PLIN4: variants seen among roughly 807,000 people sequenced by gnomAD.
PLIN4 encodes perilipin 4.
PLIN4 carries 57 observed loss-of-function variants against 52.4 expected under a neutral mutation model. The observed-to-expected ratio is 1.09, with a 90% CI of 0.88 to 1.36. PLIN4 has a LOEUF of 1.36. Among genes scored for constraint, PLIN4 ranks in the 40% most tolerant of loss-of-function variants. The pLI, the probability that PLIN4 is intolerant of heterozygous loss-of-function variation, is 0.00. For missense variants in PLIN4, 1,757 were observed against 1,770.3 expected, an observed-to-expected ratio of 0.99 and a Z score of 0.13; for synonymous variants, 826 against 785.4, an observed-to-expected ratio of 1.05 and a Z score of -0.86.
chr19:4,512,108 T>G lies in PLIN4; in HGVS notation c.1852A>C (p.Thr618Pro). ...ACAGTTTTGGTGGTGTCCATGCCTG[T>G]CTGGACGGTCCCTTTGGCGACATTC... Reference protein sequence around the residue: ...AVNVAKGTVQTGMDTTKTVLT... With the variant: ...AVNVAKGTVQPGMDTTKTVLT... The change falls in exon 5 of 8, where the codon ACA (threonine) becomes CCA (proline). Residue 618 changes from threonine (T) to proline (P), a missense_variant. Thr to Pro is a conservative substitution (Grantham distance 38). Coordinates refer to ENST00000301286, the MANE Select transcript of PLIN4 (RefSeq NM_001367868.2). The G allele has an allele frequency of 6.2e-7, 1 of 1,605,100 alleles. No individual in the cohort carries two copies. The highest frequency in any genetic ancestry group is 1.1e-5 in the South Asian group (1 of 90,742).
intron 5 of PLIN4, among the ~76,000 whole-genome samples, chr19:4,509,963 T>C (rs1027975137): frequency 1.3e-5 from 2 of 151,788 alleles, no homozygotes; most frequent in African/African-American, 2.4e-5. Flanking sequence ...CCCAACACTT[T>C]GGGAGGCTGA....
rs749513059 is a variant in PLIN4, at chr19:4,512,288, T to G, written c.1672A>C (p.Lys558Gln). ...TCTTTTGTACCTATGACCACAGACT[T>G]GGTGGTGTCCAGGCCCCCCTGGACG... Reference protein sequence around the residue: ...GAVQGGLDTTKSVVIGTKDTM... With the variant: ...GAVQGGLDTTQSVVIGTKDTM... The change falls in exon 5 of 8, where the codon AAG (lysine) becomes CAG (glutamine). Residue 558 changes from lysine (K) to glutamine (Q), a missense_variant. By Grantham distance (53) the Lys-to-Gln change is moderately conservative. Transcript: ENST00000301286. The G allele has an allele frequency of 6.2e-7, 1 of 1,608,972 alleles. No individual in the cohort carries two copies. Among genetic ancestry groups the G allele is most frequent in the South Asian group, 1.1e-5 (1 of 90,846 alleles).
At position 4,512,141 on chromosome 19, in the gene PLIN4, C is replaced by T. The variant is rs369392433; in HGVS notation, c.1819G>A (p.Gly607Arg). Residue 607 changes from glycine (G) to arginine (R), a missense_variant, in exon 5 of 8, where the codon GGG (glycine) becomes AGG (arginine). Physicochemically the swap from Gly to Arg is moderately radical, Grantham distance 125. Around this residue, in one of 7 missense-constraint regions of PLIN4, gnomAD observed 439 missense variants for 406.4 expected, o/e 1.08. Transcript: ENST00000301286. Reference protein sequence around the residue: ...TKDTVTTGLVGAVNVAKGTVQ... With the variant: ...TKDTVTTGLVRAVNVAKGTVQ... ...GTCCCTTTGGCGACATTCACTGCCC[C>T]CACGAGCCCAGTAGTCACTGTGTCC... 19 of 1,607,628 alleles carry T rather than the reference C, an allele frequency of 1.2e-5. No homozygotes were observed. The highest frequency in any genetic ancestry group is 1.5e-5 in the Non-Finnish European group (18 of 1,178,566).
rs777748443 is a variant in PLIN4, at chr19:4,512,336, C to T, written c.1624G>A (p.Ala542Thr). Residue 542 changes from alanine (A) to threonine (T), a missense_variant, in exon 5 of 8, where the codon GCT (alanine) becomes ACT (threonine). Ala to Thr is a moderately conservative substitution (Grantham distance 58). Coordinates refer to ENST00000301286, the MANE Select transcript of PLIN4 (RefSeq NM_001367868.2). The part of the protein sequence containing the change: ...KDTVCSGVTS[A>T]VNVAKGAVQG... ...ACGGCCCCTTTGGCCACGTTCACAG[C>T]ACTGGTCACCCCACTGCAGACGGTG... 2.5e-5 allele frequency: 40 copies of T among 1,611,882 alleles called. No homozygotes were observed. Among genetic ancestry groups the T allele is most frequent in the Non-Finnish European group, 1.7e-6 (2 of 1,179,630 alleles).
At chr19:4,515,539 G>A (rs1976562613) in intron 4 of PLIN4, among the ~76,000 whole-genome samples, 1 of 152,088 alleles carries the variant, frequency 6.6e-6, no homozygotes, top group Non-Finnish European at 1.5e-5. Flanking sequence ...AAAGTGTTGG[G>A]ATTACAGGTG....
In PLIN4 at chr19:4,504,448, G is replaced by T; in HGVS notation, c.*11C>A. The stretch of plus-strand genomic sequence containing the variant: ...AGGGCGACCCCGCGCCGGGCCTGCA[G>T]GCTCCTACAGCTACTGCCCGCCAGC... On this transcript the variant is annotated 3_prime_UTR_variant, in exon 8 of 8. Transcript: ENST00000301286. The T allele has an allele frequency of 1.3e-6, 2 of 1,549,716 alleles. No homozygotes were observed. The highest frequency in any genetic ancestry group is 1.7e-6 in the Non-Finnish European group (2 of 1,147,366).
chr19:4,513,714 G>A lies in PLIN4; in HGVS notation c.259-13C>T. On this transcript the variant is annotated splice_polypyrimidine_tract_variant and intron_variant, in intron 4 of 7. Transcript: ENST00000301286. The stretch of plus-strand genomic sequence containing the variant: ...CCCCGGACACCATCTGCTGAGAAAG[G>A]ACACAGGTGGATCAAGAGAAGGACT... The A allele has an allele frequency of 1.9e-6, 3 of 1,558,068 alleles. No homozygotes were observed. Among genetic ancestry groups the A allele is most frequent in the South Asian group, 1.2e-5 (1 of 81,638 alleles).
intron 3 of PLIN4, 24 bp downstream of exon 3, chr19:4,517,530 C>T (rs1700789833): frequency 6.3e-7 from 1 of 1,595,524 alleles, no homozygotes; most frequent in Non-Finnish European, 8.5e-7. Context: ...TCCCCCCACG[C>T]CCCCAGCTGG....
At chr19:4,516,858 C>T (rs1463552617) in intron 3 of PLIN4, among the ~76,000 whole-genome samples, 180 bp from the exon 4 acceptor site, 3 of 152,230 alleles carry the variant, frequency 2.0e-5, no homozygotes, top group African/African-American at 7.2e-5. Flanking sequence ...CCCCCAACCC[C>T]GCTGGGGGCT....
At chr19:4,510,221 C>T (rs1470785451) in intron 5 of PLIN4, among the ~76,000 whole-genome samples, 2 of 151,634 alleles carry the variant, frequency 1.3e-5, no homozygotes, top group Non-Finnish European at 2.9e-5. Flanking sequence ...AAAAAATTAG[C>T]CGGGTGTGGT....
At chr19:4,514,218 A>C (rs969282432) in intron 4 of PLIN4, among the ~76,000 whole-genome samples, 7 of 152,142 alleles carry the variant, frequency 4.6e-5, no homozygotes, top group Non-Finnish European at 7.4e-5. Flanking sequence ...TTGGGAGGCC[A>C]AGGTGGGAGG....
chr19:4,502,259 C>T lies in PLIN4; in HGVS notation c.*2200G>A, dbSNP rs886583126. 3.4e-6 allele frequency: 2 copies of T among 592,538 alleles called. No individual in the cohort carries two copies. Among genetic ancestry groups the T allele is most frequent in the Non-Finnish European group, 6.1e-6 (2 of 325,816 alleles). The allele number at this position is 592,538 out of a possible 1,614,324, so 36.7% of individuals were successfully genotyped here. A position where few individuals can be genotyped will look rare whatever the true frequency, so the allele number is the denominator to read the frequency against. ...CTAGCATTGCTGGTGCAGTGGGGGC[C>T]TGAGCTGGGGCGCAGGCGGCAGTGT... On this transcript the variant is annotated 3_prime_UTR_variant, in exon 8 of 8. Transcript: ENST00000301286.
rs1975949668 is a variant in PLIN4 at position 4,502,545 on chromosome 19, G to A, written c.*1914C>T. On this transcript the variant is annotated 3_prime_UTR_variant, in exon 8 of 8. Transcript: ENST00000301286. ...CCAGGCAGGTGAGCAGGTCCGATGTGGGGAGGACGAGGGTCCGCGAGGCTA... is the reference window on the plus strand; with the variant it reads ...CCAGGCAGGTGAGCAGGTCCGATGTAGGGAGGACGAGGGTCCGCGAGGCTA... 4.0e-6 allele frequency: 1 copy of A among 250,012 alleles called. No individual in the cohort carries two copies. Among genetic ancestry groups the A allele is most frequent in the Admixed American group, 5.9e-5 (1 of 16,822 alleles). The allele number at this position is 250,012 out of a possible 1,614,324, so 15.5% of individuals were successfully genotyped here.
chr19:4,504,885 A>G lies in PLIN4; in HGVS notation c.3765T>C (p.Ser1255=). 1 of 1,607,792 alleles carries G rather than the reference A, an allele frequency of 6.2e-7. No homozygotes were observed. The highest frequency in any genetic ancestry group is 8.5e-7 in the Non-Finnish European group (1 of 1,177,798). Residue 1255 remains serine, a synonymous_variant, in exon 7 of 8, where the codon AGT becomes AGC. Transcript: ENST00000301286. ...QPRLDQGSGA[S]AEDAAVQEER... The stretch of plus-strand genomic sequence containing the variant: ...CCTCCTGGACAGCAGCGTCCTCCGC[A>G]CTGGCACCTGAGCCCTGGTCCAGAC...
chr19:4,505,041 C>T, intron 6 of PLIN4, 94 bp from the exon 7 acceptor site: 1 of 1,220,728 alleles, frequency 8.2e-7, no homozygotes, highest in Non-Finnish European at 1.2e-6. Flanking sequence ...TGGGCACATT[C>T]ACAGTCCTGG....
chr19:4,517,654 G>C lies in PLIN4; in HGVS notation c.96C>G (p.Ala32=), dbSNP rs1976624664. 2 of 1,605,860 alleles carry C rather than the reference G, an allele frequency of 1.2e-6. No homozygotes were observed. Among genetic ancestry groups the C allele is most frequent in the African/African-American group, 1.3e-5 (1 of 74,816 alleles). The stretch of plus-strand genomic sequence containing the variant: ...TATGTGCGTTGGCCACCAGGTTCCG[G>C]GCAGAGCTGAAGCCAGGCAGGGACC... ...FFGSLPGFSS[A]RNLVANAHSS... The change falls in exon 3 of 8, where the codon GCC becomes GCG. Residue 32 remains alanine (A), a synonymous_variant. Coordinates refer to ENST00000301286, the MANE Select transcript of PLIN4 (RefSeq NM_001367868.2).
rs773677127 is a variant in PLIN4 at position 4,511,214 on chromosome 19, C to A, written c.2746G>T (p.Gly916Cys). 6.2e-7 allele frequency: 1 copy of A among 1,611,960 alleles called. No individual in the cohort carries two copies. Among genetic ancestry groups the A allele is most frequent in the South Asian group, 1.1e-5 (1 of 90,936 alleles). Residue 916 changes from glycine (G) to cysteine (C), a missense_variant, in exon 5 of 8, where the codon GGC (glycine) becomes TGC (cysteine). Physicochemically the swap from Gly to Cys is radical, Grantham distance 159 (BLOSUM62 -3). Coordinates refer to ENST00000301286, the MANE Select transcript of PLIN4 (RefSeq NM_001367868.2). ...AGGACAGTCTTGCTGGTGTCCACGCCGGTCTGGACAGTCCCTTTGGCCAAG... is the reference window on the plus strand; with the variant it reads ...AGGACAGTCTTGCTGGTGTCCACGCAGGTCTGGACAGTCCCTTTGGCCAAG... ...VNLAKGTVQT[G>C]VDTSKTVLTG...
Position 4,517,595 on chromosome 19 carries a change from G to A in PLIN4, c.155C>T (p.Thr52Ile), listed in dbSNP as rs1202405172. 1 of 1,611,204 alleles carries A rather than the reference G, an allele frequency of 6.2e-7. No homozygotes were observed. The highest frequency in any genetic ancestry group is 2.2e-5 in the East Asian group (1 of 44,860). The change falls in exon 3 of 8, where the codon ACA becomes ATA. Residue 52 changes from threonine to isoleucine, a missense_variant. Around this residue, in one of 7 missense-constraint regions of PLIN4, gnomAD observed 332 missense variants for 310.8 expected, o/e 1.07. Transcript: ENST00000301286. ...GGCAGCCTCGGCAGCAGGCGCTCCTGTGGGGTCAGCGGCCGGCCGGGCTCT... is the reference window on the plus strand; with the variant it reads ...GGCAGCCTCGGCAGCAGGCGCTCCTATGGGGTCAGCGGCCGGCCGGGCTCT... Reference protein sequence around the residue: ...SARARPAADPTGAPAAEAAQP... With the variant: ...SARARPAADPIGAPAAEAAQP...
At chr19:4,509,048 G>T in intron 5 of PLIN4, 93 bp from the exon 6 acceptor site, 1 of 1,253,472 alleles carries the variant, frequency 8.0e-7, no homozygotes. Context: ...GGCGGTTCCC[G>T]CCTGTGATCC....
Sources: allele counts gnomAD v4.1 joint callset (sites outside exome capture counted in the v4.1 genomes callset), GRCh38; gene constraint gnomAD v4.1.1; regional missense constraint gnomAD v4.1.1; transcripts MANE v1.5; gene names NCBI Gene and HGNC (gene_info 2026-07-23, HGNC 2026-07-21).